Variants in ERBB4 observed in about 807,000 individuals in gnomAD.
ERBB4 encodes receptor tyrosine-protein kinase erbB-4.
ERBB4 carries 42 observed loss-of-function variants against 158.0 expected under a neutral mutation model. The observed-to-expected ratio is 0.27, with a 90% CI of 0.21 to 0.34. The LOEUF is 0.34. Ranked by LOEUF, ERBB4 falls within the 10% of genes least tolerant of loss-of-function variation. The probability of loss-of-function intolerance (pLI) is 1.00; values close to 1 mark genes in which losing one functional copy is unlikely to be tolerated. For synonymous variants in ERBB4, 583 were observed against 558.7 expected (o/e 1.04, Z -0.61); for missense variants, 1,333 against 1,624.1 (o/e 0.82, Z 3.08).
Position 211,603,340 on chromosome 2 carries a change from A to G in ERBB4, c.2301+15837T>C, listed in dbSNP as rs570507225. Among the ~76,000 whole-genome samples the G allele has an allele frequency of 4.6e-5, 7 of 152,318 alleles. No homozygotes were observed. In the South Asian group the frequency reaches 1.5e-3, roughly 32 times the overall value. On this transcript the variant is annotated intron_variant, in intron 19 of 27. Coordinates refer to ENST00000342788, the MANE Select transcript of ERBB4 (RefSeq NM_005235.3). ...AAGTATCTGACATTGGGCAAAAGAG[A>G]ATTCGAGTCATACACTTCGGAAGAA...
At chr2:212,238,204 G>A (rs2083949731) in intron 1 of ERBB4, among the ~76,000 whole-genome samples, 1 of 152,220 alleles carries the variant, frequency 6.6e-6, no homozygotes, top group African/African-American at 2.4e-5. Flanking sequence ...GGGCCCTGGT[G>A]GCATAGGCAC....
At chr2:212,019,063 T>TG (rs2076588759) in intron 2 of ERBB4, among the ~76,000 whole-genome samples, 1 of 152,058 alleles carries the variant, frequency 6.6e-6, no homozygotes, top group Admixed American at 6.6e-5. Flanking sequence ...ACAAGAAGCC[T>TG]GGTTGATGTA....
At chr2:212,011,262 G>A (rs561704200) in intron 2 of ERBB4, among the ~76,000 whole-genome samples, 15 of 152,210 alleles carry the variant, frequency 9.9e-5, no homozygotes, top group East Asian at 3.9e-4. Context: ...TCCCTCTGCC[G>A]TGGCTCCAGC....
At chr2:211,666,221 C>A (rs1219402136) in intron 14 of ERBB4, among the ~76,000 whole-genome samples, 1 of 151,874 alleles carries the variant, frequency 6.6e-6, no homozygotes, top group Non-Finnish European at 1.5e-5. Flanking sequence ...AATCACAGAA[C>A]AATACTGAAA....
chr2:212,475,751 A>C (rs1366081384), intron 1 of ERBB4, among the ~76,000 whole-genome samples: 1 of 152,168 alleles, frequency 6.6e-6, no homozygotes, highest in African/African-American at 2.4e-5. Context: ...AAGTCTTATG[A>C]ATTAGAACAA....
intron 1 of ERBB4, among the ~76,000 whole-genome samples, chr2:212,238,132 T>C (rs2083947288): frequency 6.6e-6 from 1 of 152,080 alleles, no homozygotes; most frequent in Non-Finnish European, 1.5e-5. Context: ...GTATGAAAAA[T>C]AATTCCTGCA....
chr2:212,226,597 T>A (rs77481262), intron 1 of ERBB4, among the ~76,000 whole-genome samples: 9,549 of 152,228 alleles, frequency 0.063, 356 homozygotes, highest in Non-Finnish European at 0.082. Flanking sequence ...CTGATAAACT[T>A]GTTACTTGCT....
At chr2:211,498,242 A>G (rs553593571) in intron 20 of ERBB4, among the ~76,000 whole-genome samples, 1 of 152,248 alleles carries the variant, frequency 6.6e-6, no homozygotes, top group African/African-American at 2.4e-5. Context: ...TTTGTGCTAA[A>G]GTCTTCAGTA....
chr2:212,139,709 A>G (rs2080386216), intron 1 of ERBB4, among the ~76,000 whole-genome samples: 1 of 151,980 alleles, frequency 6.6e-6, no homozygotes, highest in African/African-American at 2.4e-5. Flanking sequence ...TGCAAAACAT[A>G]TTTTCTAGCA....
intron 1 of ERBB4, among the ~76,000 whole-genome samples, chr2:212,345,551 C>G (rs1393290565): frequency 6.6e-6 from 1 of 151,918 alleles, no homozygotes; most frequent in Non-Finnish European, 1.5e-5. Context: ...AGCTAACATG[C>G]CGTAAATGTC....
chr2:211,724,781 G>A (rs770096172), intron 6 of ERBB4, among the ~76,000 whole-genome samples: 6 of 151,962 alleles, frequency 3.9e-5, no homozygotes, highest in East Asian at 1.9e-4. Flanking sequence ...GGTAATCACC[G>A]CATTACTGGA....
chr2:212,031,537 C>T (rs888843168), intron 2 of ERBB4, among the ~76,000 whole-genome samples: 1 of 152,242 alleles, frequency 6.6e-6, no homozygotes, highest in Admixed American at 6.5e-5. Context: ...AGCAGATGGG[C>T]TCCAGGAATT....
At chr2:211,606,009 G>A (rs2068967002) in intron 19 of ERBB4, among the ~76,000 whole-genome samples, 1 of 151,882 alleles carries the variant, frequency 6.6e-6, no homozygotes, top group Non-Finnish European at 1.5e-5. Flanking sequence ...ATTGAAAAAT[G>A]GAACTGCCCA....
intron 19 of ERBB4, among the ~76,000 whole-genome samples, chr2:211,609,344 T>A (rs73078789): frequency 6.6e-6 from 1 of 152,090 alleles, no homozygotes. Context: ...TAGGAAAGAA[T>A]GCATGCTCAG....
rs116432393 is a variant in ERBB4, at chr2:211,845,103, T to C, written c.422-56944A>G. Among the ~76,000 whole-genome samples, 498 of 152,168 alleles carry C rather than the reference T, an allele frequency of 3.3e-3. 10 individuals are homozygous for C. Among genetic ancestry groups the C allele is most frequent in the Non-Finnish European group, 4.6e-3 (311 of 67,990 alleles). Reference sequence around the variant, plus strand: ...GAGTGGGCTCTGTTTTTGTTTTCAGTCCATTCCCTCTTTATGAGTAACAGG... The same window carrying C: ...GAGTGGGCTCTGTTTTTGTTTTCAGCCCATTCCCTCTTTATGAGTAACAGG... On this transcript the variant is annotated intron_variant, in intron 3 of 27. Coordinates refer to ENST00000342788, the MANE Select transcript of ERBB4 (RefSeq NM_005235.3).
chr2:211,779,126 A>G (rs2075972208), intron 4 of ERBB4: 1 of 152,208 alleles, frequency 6.6e-6, no homozygotes, highest in South Asian at 2.1e-4. Flanking sequence ...GGGTAGATGC[A>G]GACACACGAG....
intron 1 of ERBB4, among the ~76,000 whole-genome samples, chr2:212,305,226 G>A (rs1170588567): frequency 4.0e-5 from 6 of 150,974 alleles, no homozygotes; most frequent in Admixed American, 1.3e-4. Context: ...TACTCTTTTC[G>A]GAGAGCCAGT....
At chr2:212,003,188 A>G (rs866279933) in intron 2 of ERBB4, among the ~76,000 whole-genome samples, 19 of 72,980 alleles carry the variant, frequency 2.6e-4, no homozygotes, top group South Asian at 5.2e-4. Flanking sequence ...AAAGAAAGAA[A>G]GAAAGAAAGA....
chr2:211,847,747 G>A (rs558581446), intron 3 of ERBB4, among the ~76,000 whole-genome samples: 44 of 152,156 alleles, frequency 2.9e-4, no homozygotes, highest in African/African-American at 9.4e-4. Context: ...TTGTACACCC[G>A]GCTACAGCCA....
Sources: allele counts gnomAD v4.1 joint callset (sites outside exome capture counted in the v4.1 genomes callset), GRCh38; gene constraint gnomAD v4.1.1; transcripts MANE v1.5; gene names NCBI Gene and HGNC (gene_info 2026-07-23, HGNC 2026-07-21).